Variants in GNAQ observed in about 807,000 individuals in gnomAD.
GNAQ encodes the protein guanine nucleotide-binding protein G(q) subunit alpha.
GNAQ carries 8 observed loss-of-function variants against 43.9 expected under a neutral mutation model. The observed-to-expected ratio is 0.18, with a 90% CI of 0.11 to 0.33. The LOEUF is 0.33. Among genes scored for constraint, GNAQ ranks in the 10% least tolerant of loss-of-function variants. The probability of loss-of-function intolerance (pLI) is 1.00; values close to 1 mark genes in which losing one functional copy is unlikely to be tolerated. For missense variants in GNAQ, 158 were observed against 450.8 expected, an observed-to-expected ratio of 0.35 and a Z score of 5.88; for synonymous variants, 155 against 170.7, an observed-to-expected ratio of 0.91 and a Z score of 0.71.
chr9:77,967,945 AC>A (rs1234700387), intron 1 of GNAQ, among the ~76,000 whole-genome samples: 1 of 152,072 alleles, frequency 6.6e-6, no homozygotes, highest in Non-Finnish European at 1.5e-5. Flanking sequence ...ATACCATTGC[AC>A]TCCAGCCTGG....
At chr9:77,966,757 G>A (rs1049898246) in intron 1 of GNAQ, among the ~76,000 whole-genome samples, 4 of 152,236 alleles carry the variant, frequency 2.6e-5, no homozygotes, top group Non-Finnish European at 4.4e-5. Context: ...CTACCAAATC[G>A]CTTCTTGAAA....
In GNAQ at chr9:77,951,092, CTTTTTTTTTTT is replaced by C. The variant is rs35044662; in HGVS notation, c.137-28758_137-28748del. ...TGAATACTGAACGCAGTCAAGTGTT[CTTTTTTTTTTT>C]TTTTTTTTTTTTGAGGCAGAATCTC... On this transcript the variant is annotated intron_variant, in intron 1 of 6. Transcript: ENST00000286548. Among the ~76,000 whole-genome samples the C allele has an allele frequency of 9.4e-4, 84 of 89,296 alleles. 1 individual carries two copies. The highest frequency in any genetic ancestry group is 3.7e-3 in the Admixed American group (25 of 6,744). The allele number at this position is 89,296 out of a possible 152,430, so 58.6% of individuals were successfully genotyped here.
At chr9:77,998,180 G>A (rs899416199) in intron 1 of GNAQ, among the ~76,000 whole-genome samples, 4 of 152,170 alleles carry the variant, frequency 2.6e-5, no homozygotes, top group South Asian at 4.1e-4. Context: ...GTTGAAGTCC[G>A]CCTCAGGCAT....
rs189502159 is a variant in GNAQ at position 77,863,886 on chromosome 9, C to A, written c.322-48116G>T. On this transcript the variant is annotated intron_variant, in intron 2 of 6. Coordinates refer to ENST00000286548, the MANE Select transcript of GNAQ (RefSeq NM_002072.5). Reference sequence around the variant, plus strand: ...GATCACGAGAATAGCAAGGGAAAGACCTGCCGCCATGATTCAATTACCTAC... The same window carrying A: ...GATCACGAGAATAGCAAGGGAAAGAACTGCCGCCATGATTCAATTACCTAC... Among the ~76,000 whole-genome samples the A allele has an allele frequency of 5.1e-4, 77 of 152,260 alleles. 1 individual carries two copies. The highest frequency in any genetic ancestry group is 4.8e-3 in the Admixed American group (73 of 15,294).
chr9:78,028,317 A>G (rs1435925975), intron 1 of GNAQ, among the ~76,000 whole-genome samples: 2 of 152,104 alleles, frequency 1.3e-5, no homozygotes, highest in African/African-American at 4.8e-5. Context: ...AAATAAAAAT[A>G]TATAATATAT....
At chr9:77,844,108 T>C (rs1441866951) in intron 2 of GNAQ, among the ~76,000 whole-genome samples, 1 of 152,168 alleles carries the variant, frequency 6.6e-6, no homozygotes. Context: ...GGTTTGGAGT[T>C]CCTGGGATTT....
At chr9:77,997,720 T>A (rs1341031441) in intron 1 of GNAQ, among the ~76,000 whole-genome samples, 1 of 152,046 alleles carries the variant, frequency 6.6e-6, no homozygotes, top group Non-Finnish European at 1.5e-5. Context: ...TTGGCCTAGA[T>A]CCTCCCTGGA....
intron 1 of GNAQ, among the ~76,000 whole-genome samples, chr9:77,930,890 G>C (rs927168458): frequency 5.9e-5 from 9 of 152,128 alleles, no homozygotes; most frequent in Non-Finnish European, 1.0e-4. Flanking sequence ...CACAGCAAGA[G>C]AGTGGCAGGC....
Position 77,794,481 on chromosome 9 carries a change from G to A in GNAQ, c.717C>T (p.Leu239=), listed in dbSNP as rs996309599. 11 of 1,598,722 alleles carry A rather than the reference G, an allele frequency of 6.9e-6. No homozygotes were observed. The highest frequency in any genetic ancestry group is 2.2e-5 in the East Asian group (1 of 44,670). The change falls in exon 5 of 7, where the codon CTC becomes CTT. Residue 239 remains leucine, a synonymous_variant. Transcript: ENST00000286548. ...LVALSEYDQV[L]VESDNENRME... ...CACTTACCTCATTGTCTGACTCCAC[G>A]AGAACTTGATCATATTCACTAAGCG...
At chr9:77,802,251 C>G (rs1487440216) in intron 3 of GNAQ, among the ~76,000 whole-genome samples, 1 of 152,048 alleles carries the variant, frequency 6.6e-6, no homozygotes. Context: ...GCCCGCATAA[C>G]CCCCAATCCC....
intron 3 of GNAQ, among the ~76,000 whole-genome samples, chr9:77,807,055 T>C (rs1826840525): frequency 6.6e-6 from 1 of 152,200 alleles, no homozygotes; most frequent in East Asian, 1.9e-4. Flanking sequence ...TTGACAAGGA[T>C]GATCAGGTCT....
intron 1 of GNAQ, among the ~76,000 whole-genome samples, chr9:78,012,238 CTTTTT>C (rs1166567926): frequency 1.5e-5 from 2 of 135,164 alleles, no homozygotes; most frequent in Admixed American, 7.5e-5. Context: ...AAGGCATTTT[CTTTTT>C]TTTTTTTTTT....
At chr9:77,747,574 A>C (rs1825750314) in intron 5 of GNAQ, among the ~76,000 whole-genome samples, 1 of 152,202 alleles carries the variant, frequency 6.6e-6, no homozygotes, top group East Asian at 1.9e-4. Flanking sequence ...AGCCAGCAGG[A>C]ATGGTCCAAA....
At chr9:77,982,545 T>C (rs1823380876) in intron 1 of GNAQ, among the ~76,000 whole-genome samples, 1 of 152,024 alleles carries the variant, frequency 6.6e-6, no homozygotes, top group Non-Finnish European at 1.5e-5. Flanking sequence ...CTTAGAAGTA[T>C]GATACAAACA....
chr9:77,799,814 A>G (rs533943252), intron 3 of GNAQ, among the ~76,000 whole-genome samples: 1 of 152,222 alleles, frequency 6.6e-6, no homozygotes, highest in Non-Finnish European at 1.5e-5. Context: ...TCCCTGATAC[A>G]TTGATGATTC....
intron 3 of GNAQ, among the ~76,000 whole-genome samples, chr9:77,811,768 C>A (rs796262313): frequency 4.6e-5 from 7 of 152,278 alleles, no homozygotes; most frequent in African/African-American, 1.7e-4. Flanking sequence ...GGGATTAAGG[C>A]AAGCCAGGCA....
Position 78,004,234 on chromosome 9 carries a change from G to C in GNAQ, c.136+26866C>G, listed in dbSNP as rs145547039. Among the ~76,000 whole-genome samples, 166 of 148,060 alleles carry C rather than the reference G, an allele frequency of 1.1e-3. 2 individuals are homozygous for C. Among genetic ancestry groups the C allele is most frequent in the African/African-American group, 3.9e-3 (157 of 39,814 alleles). The stretch of plus-strand genomic sequence containing the variant: ...AAATACTCCAGTTGGCTATGACTGA[G>C]CCACTGAACTGCAGCCTGGACGACA... On this transcript the variant is annotated intron_variant, in intron 1 of 6. Coordinates refer to ENST00000286548, the MANE Select transcript of GNAQ (RefSeq NM_002072.5).
intron 1 of GNAQ, among the ~76,000 whole-genome samples, chr9:77,951,785 A>G (rs1822981246): frequency 6.6e-6 from 1 of 152,142 alleles, no homozygotes; most frequent in Admixed American, 6.5e-5. Context: ...GGTCATCTCG[A>G]TGAGTTATCA....
chr9:77,811,708 C>T (rs1192805792), intron 3 of GNAQ, among the ~76,000 whole-genome samples: 2 of 152,178 alleles, frequency 1.3e-5, no homozygotes, highest in African/African-American at 4.8e-5. Context: ...GTGCTCACTA[C>T]TAAGACGGTG....
Sources: allele counts gnomAD v4.1 joint callset (sites outside exome capture counted in the v4.1 genomes callset), GRCh38; gene constraint gnomAD v4.1.1; transcripts MANE v1.5; gene names NCBI Gene and HGNC (gene_info 2026-07-23, HGNC 2026-07-21).